Variants in DNAH1 observed in about 807,000 individuals in gnomAD.
DNAH1 encodes the protein axonemal beta dynein heavy chain 1.
A neutral mutation model predicts 484.3 loss-of-function variants in DNAH1; 327 were observed. The observed-to-expected ratio is 0.68, with a 90% CI of 0.62 to 0.74. The LOEUF (loss-of-function observed/expected upper bound fraction) is 0.74. Among genes scored for constraint, DNAH1 ranks in the 30% least tolerant of loss-of-function variants. DNAH1 has a pLI of 0.00. For missense variants in DNAH1, 5,052 were observed against 5,546.8 expected (o/e 0.91, Z 2.83); for synonymous variants, 2,192 against 2,191.9 (o/e 1.00, Z 0.00).
At chr3:52,348,492 C>T (rs1276214788) in intron 12 of DNAH1, among the ~76,000 whole-genome samples, 1 of 152,228 alleles carries the variant, frequency 6.6e-6, no homozygotes, top group Non-Finnish European at 1.5e-5. Flanking sequence ...CCCAGCTGCA[C>T]ACAGCCCACT....
Position 52,355,107 on chromosome 3 carries a change from C to G in DNAH1, c.3693+52C>G. On this transcript the variant is annotated intron_variant, in intron 21 of 77. Transcript: ENST00000420323. This position sits in a 1 kb window ranked among gnomAD's most constrained non-coding sequence, Gnocchi z 4.5. The stretch of plus-strand genomic sequence containing the variant: ...CATCGCTCCCCCACTTCAGAGAGCC[C>G]GACCCACAGGTGTCACTGATGGTCT... The G allele has an allele frequency of 6.4e-7, 1 of 1,564,012 alleles. No individual in the cohort carries two copies. The highest frequency in any genetic ancestry group is 8.8e-7 in the Non-Finnish European group (1 of 1,142,190).
chr3:52,386,936 C>T, intron 56 of DNAH1, 83 bp downstream of exon 56: 2 of 1,370,260 alleles, frequency 1.5e-6, no homozygotes, highest in Non-Finnish European at 2.0e-6. Flanking sequence ...GAGGAGCTTG[C>T]CCCACCACAT....
intron 44 of DNAH1, chr3:52,373,722 T>G: frequency 1.4e-6 from 2 of 1,383,058 alleles, no homozygotes; most frequent in African/African-American, 2.8e-5. Context: ...CCTTTTTGAC[T>G]TTGTTTCTGA....
intron 14 of DNAH1, 52 bp downstream of exon 14, chr3:52,349,472 A>C: frequency 1.3e-6 from 2 of 1,526,616 alleles, no homozygotes; most frequent in South Asian, 2.3e-5. Flanking sequence ...ACACCACAGC[A>C]GCACACACGG....
intron 8 of DNAH1, among the ~76,000 whole-genome samples, chr3:52,340,353 A>G (rs1701891428): frequency 6.6e-6 from 1 of 152,052 alleles, no homozygotes; most frequent in African/African-American, 2.4e-5. Flanking sequence ...AAGTTCTGGG[A>G]TTATAGGCAT....
chr3:52,322,355 C>T (rs767376546), intron 1 of DNAH1, 54 bp from the exon 2 acceptor site: 70 of 1,285,460 alleles, frequency 5.4e-5, no homozygotes, highest in Admixed American at 2.5e-4. Flanking sequence ...CCATGTGTCT[C>T]GGGGCTAAGA....
At chr3:52,359,204 G>T in intron 25 of DNAH1, 42 bp from the exon 26 acceptor site, 1 of 1,549,086 alleles carries the variant, frequency 6.5e-7, no homozygotes, top group Non-Finnish European at 8.7e-7. Context: ...TGGGATTGGG[G>T]CTGCGGCTGT....
In DNAH1 at chr3:52,375,513, C is replaced by T; in HGVS notation, c.7159+100C>T. On this transcript the variant is annotated intron_variant, in intron 45 of 77. Coordinates refer to ENST00000420323, the MANE Select transcript of DNAH1 (RefSeq NM_015512.5). ...TGGCCACCAGAAAGGGTGGAGTGGC[C>T]AAACCATGACCGCAACCCTGGGTTC... The T allele has an allele frequency of 1.5e-6, 2 of 1,327,680 alleles. 1 individual carries two copies. The highest frequency in any genetic ancestry group is 2.7e-5 in the South Asian group (2 of 72,968). 82.2% of individuals were successfully genotyped at this position (1,327,680 alleles called of 1,614,324 possible).
rs1384602597 is a variant in DNAH1, at chr3:52,382,465, C to T, written c.7941+10C>T. On this transcript the variant is annotated intron_variant, in intron 50 of 77. Transcript: ENST00000420323. Reference sequence around the variant, plus strand: ...CTTCTCAGACACCCAGGTGCCACTGCCACAGCAGAGGGCAGGGCTCGGGGG... The same window carrying T: ...CTTCTCAGACACCCAGGTGCCACTGTCACAGCAGAGGGCAGGGCTCGGGGG... 1 of 1,613,454 alleles carries T rather than the reference C, an allele frequency of 6.2e-7. No individual in the cohort carries two copies. Among genetic ancestry groups the T allele is most frequent in the East Asian group, 2.2e-5 (1 of 44,870 alleles).
Position 52,399,547 on chromosome 3 carries a change from G to A in DNAH1, c.12444G>A (p.Val4148=). The A allele has an allele frequency of 6.2e-7, 1 of 1,607,514 alleles. No homozygotes were observed. Among genetic ancestry groups the A allele is most frequent in the South Asian group, 1.1e-5 (1 of 90,638 alleles). The change falls in exon 77 of 78, where the codon GTG becomes GTA. Residue 4148 remains valine, a splice_region_variant and synonymous_variant. Coordinates refer to ENST00000420323, the MANE Select transcript of DNAH1 (RefSeq NM_015512.5). ...SIDTISFDFK[V]MFEAPSELTQ... The stretch of plus-strand genomic sequence containing the variant: ...GGTGTGTCTGTGTCTACCCACAGGT[G>A]ATGTTTGAGGCACCATCAGAGTTAA...
At position 52,362,312 on chromosome 3, in the gene DNAH1, G is replaced by A. The variant is rs1372722665; in HGVS notation, c.4981-76G>A. On this transcript the variant is annotated intron_variant, in intron 30 of 77. Transcript: ENST00000420323. This position sits in a 1 kb window ranked among gnomAD's most constrained non-coding sequence, Gnocchi z 5.1. ...AGCCAGGACAGGGGCATCAACAGGG[G>A]ACAAGGGGCCCACTCAGAGGAGGGG... 6 of 1,269,274 alleles carry A rather than the reference G, an allele frequency of 4.7e-6. No individual in the cohort carries two copies. Among genetic ancestry groups the A allele is most frequent in the South Asian group, 1.3e-5 (1 of 78,640 alleles). 78.6% of individuals were successfully genotyped at this position (1,269,274 alleles called of 1,614,324 possible).
rs757369482 is a variant in DNAH1, at chr3:52,372,324, C to T, written c.6764C>T (p.Thr2255Ile). The T allele has an allele frequency of 3.7e-6, 6 of 1,613,900 alleles. No individual in the cohort carries two copies. The highest frequency in any genetic ancestry group is 4.2e-6 in the Non-Finnish European group (5 of 1,179,894). The change falls in exon 43 of 78, where the codon ACC (threonine) becomes ATC (isoleucine). Residue 2255 changes from threonine to isoleucine, a missense_variant. Thr to Ile is a moderately conservative substitution (Grantham distance 89). Coordinates refer to ENST00000420323, the MANE Select transcript of DNAH1 (RefSeq NM_015512.5). ...CTGGATTACATCAGCCACTTCCTCA[C>T]CTTCTCAGCCCGCACTTCAGCCAAC... The part of the protein sequence containing the change: ...LALDYISHFL[T>I]FSARTSANQT...
At chr3:52,334,415 C>T (rs147713626) in intron 8 of DNAH1, among the ~76,000 whole-genome samples, 299 of 152,248 alleles carry the variant, frequency 2.0e-3, no homozygotes, top group African/African-American at 6.7e-3. Flanking sequence ...TACACTACTG[C>T]GGACTTGATA....
At position 52,351,988 on chromosome 3, in the gene DNAH1, A is replaced by G. The variant is rs773602116; in HGVS notation, c.2756A>G (p.Lys919Arg). ...DKWIASNWPS[K>R]ILGQIELVQQ... ...TGGATTGCCAGCAACTGGCCTTCTA[A>G]GATCCTTGGGCAGATAGAGCTGGTG... The change falls in exon 17 of 78, where the codon AAG becomes AGG. Residue 919 changes from lysine (K) to arginine (R), a missense_variant. Coordinates refer to ENST00000420323, the MANE Select transcript of DNAH1 (RefSeq NM_015512.5). The G allele has an allele frequency of 1.9e-6, 3 of 1,602,446 alleles. No individual in the cohort carries two copies. Among genetic ancestry groups the G allele is most frequent in the Admixed American group, 1.7e-5 (1 of 58,416 alleles).
intron 10 of DNAH1, among the ~76,000 whole-genome samples, 178 bp from the exon 11 acceptor site, chr3:52,346,294 G>A (rs1702138270): frequency 6.6e-6 from 1 of 152,168 alleles, no homozygotes; most frequent in South Asian, 2.1e-4. Context: ...TGGGCCCCCA[G>A]GGTCACATGA....
intron 1 of DNAH1, among the ~76,000 whole-genome samples, chr3:52,319,255 G>A (rs1309879815): frequency 6.6e-6 from 1 of 152,220 alleles, no homozygotes; most frequent in African/African-American, 2.4e-5. Context: ...GTCAAGTGGG[G>A]TTGAGTGTCA....
intron 37 of DNAH1, 66 bp from the exon 38 acceptor site, chr3:52,369,751 CGCAGCCCT>C: frequency 6.7e-7 from 1 of 1,496,776 alleles, no homozygotes. Flanking sequence ...AGCCCCTCCC[CGCAGCCCT>C]GCAGCCCTTT....
At chr3:52,367,098 T>G (rs1703115856) in intron 36 of DNAH1, among the ~76,000 whole-genome samples, 1 of 152,208 alleles carries the variant, frequency 6.6e-6, no homozygotes, top group South Asian at 2.1e-4. Flanking sequence ...GGGACAATAA[T>G]GGCACCATGC....
At chr3:52,367,443 C>G (rs1258791380) in intron 36 of DNAH1, among the ~76,000 whole-genome samples, 1 of 152,140 alleles carries the variant, frequency 6.6e-6, no homozygotes, top group Non-Finnish European at 1.5e-5. Context: ...ACAACGTGAA[C>G]CTGTACTGCT....
Sources: allele counts gnomAD v4.1 joint callset (sites outside exome capture counted in the v4.1 genomes callset), GRCh38; gene constraint gnomAD v4.1.1; non-coding constraint Gnocchi (gnomAD v3.1); transcripts MANE v1.5; gene names NCBI Gene and HGNC (gene_info 2026-07-23, HGNC 2026-07-21).